The following SASH1 variants were observed in gnomAD, a reference collection of about 807,000 sequenced individuals.
SASH1 encodes the protein SAM and SH3 domain containing 1, also known as SAM and SH3 domain-containing protein 1.
SASH1 carries 44 observed loss-of-function variants against 125.2 expected under a neutral mutation model. That is an observed-to-expected ratio of 0.35 (90% confidence interval 0.28 to 0.45). The LOEUF is 0.45. SASH1 is among the 20% of genes least tolerant of loss of function. SASH1 has a pLI of 1.00. For missense variants in SASH1, 1,426 were observed against 1,614.5 expected, an observed-to-expected ratio of 0.88 and a Z score of 2.00; for synonymous variants, 639 against 649.1, an observed-to-expected ratio of 0.98 and a Z score of 0.24.
chr6:148,540,216 C>T (rs183394646), intron 16 of SASH1, among the ~76,000 whole-genome samples: 1 of 152,302 alleles, frequency 6.6e-6, no homozygotes, highest in East Asian at 1.9e-4. Flanking sequence ...AAGGTGTCAA[C>T]ATATTCCAAC....
chr6:148,334,300 C>A (rs992051033), intron 1 of SASH1, among the ~76,000 whole-genome samples: 1 of 147,456 alleles, frequency 6.8e-6, no homozygotes, highest in African/African-American at 2.5e-5. Context: ...TGATGGCGGG[C>A]GCCTGTAGTC....
intron 8 of SASH1, among the ~76,000 whole-genome samples, chr6:148,489,432 G>T (rs1202981161): frequency 6.6e-6 from 1 of 152,034 alleles, no homozygotes; most frequent in Non-Finnish European, 1.5e-5. Context: ...GTTTTTTAAG[G>T]TTGTTTTGGC....
chr6:148,448,947 C>T (rs1340662702), intron 4 of SASH1, among the ~76,000 whole-genome samples: 2 of 152,104 alleles, frequency 1.3e-5, no homozygotes, highest in African/African-American at 2.4e-5. Context: ...GCTTTTTTTC[C>T]TTGACCCTTG....
chr6:148,322,676 G>T (rs1380582139), intron 1 of SASH1, among the ~76,000 whole-genome samples: 1 of 152,090 alleles, frequency 6.6e-6, no homozygotes, highest in East Asian at 1.9e-4. Flanking sequence ...ACTCCTTGCT[G>T]TCATTCTCAC....
chr6:148,458,678 A>G (rs1562428426), intron 4 of SASH1, among the ~76,000 whole-genome samples: 1 of 152,114 alleles, frequency 6.6e-6, no homozygotes, highest in African/African-American at 2.4e-5. Flanking sequence ...AAAAAATACT[A>G]TGTGGGCTGA....
At chr6:148,398,054 G>A (rs1784028235) in intron 2 of SASH1, among the ~76,000 whole-genome samples, 1 of 152,098 alleles carries the variant, frequency 6.6e-6, no homozygotes, top group African/African-American at 2.4e-5. Flanking sequence ...GTGGACCGTG[G>A]GGAGTAACTT....
At chr6:148,379,899 G>T in intron 1 of SASH1, 1 of 456,412 alleles carries the variant, frequency 2.2e-6, no homozygotes, top group Non-Finnish European at 4.4e-6. Context: ...ATCTATATCT[G>T]CACTCACCAC....
intron 1 of SASH1, among the ~76,000 whole-genome samples, chr6:148,286,224 A>T (rs903865377): frequency 1.3e-5 from 2 of 152,044 alleles, no homozygotes; most frequent in African/African-American, 2.4e-5. Context: ...CTAAAAAAAA[A>T]AATAAAATAA....
At chr6:148,455,376 G>A (rs1011823853) in intron 4 of SASH1, among the ~76,000 whole-genome samples, 2 of 152,200 alleles carry the variant, frequency 1.3e-5, no homozygotes, top group African/African-American at 4.8e-5. Context: ...CGAGTTGGGG[G>A]CTGTTCAGCT....
chr6:148,220,869 G>A, the SASH1 span, among the ~76,000 whole-genome samples: 6 of 152,196 alleles, frequency 3.9e-5, no homozygotes, highest in Admixed American at 1.3e-4. Context: ...AGCCGAGGTC[G>A]TGCCACTGCA....
At chr6:148,314,622 G>A (rs1300514234) in intron 1 of SASH1, among the ~76,000 whole-genome samples, 4 of 152,068 alleles carry the variant, frequency 2.6e-5, no homozygotes, top group African/African-American at 7.2e-5. Context: ...TTGGAAATAG[G>A]CATTCTTTGT....
At position 148,319,343 on chromosome 6, in the gene SASH1, C is replaced by CT. The variant is rs1035770115; in HGVS notation, n.74+46973dup. On this transcript the variant is annotated intron_variant and non_coding_transcript_variant, in intron 1 of 3. Transcript: ENST00000367469. ...AGCCACCGCGCCCAGCCCCATTTATCTTTTTTTACCCCCTTCAATTTGGAG... is the reference window on the plus strand; with the variant it reads ...AGCCACCGCGCCCAGCCCCATTTATCTTTTTTTTACCCCCTTCAATTTGGAG... Among the ~76,000 whole-genome samples the CT allele has an allele frequency of 2.7e-3, 414 of 151,292 alleles. 1 individual carries two copies. Among genetic ancestry groups the CT allele is most frequent in the African/African-American group, 9.4e-3 (390 of 41,276 alleles).
At chr6:148,425,716 C>T (rs1190269303) in intron 2 of SASH1, among the ~76,000 whole-genome samples, 1 of 114,526 alleles carries the variant, frequency 8.7e-6, no homozygotes, top group African/African-American at 3.0e-5. Flanking sequence ...CCTCCCATCC[C>T]CCTCTCCCTT....
intron 1 of SASH1, among the ~76,000 whole-genome samples, chr6:148,321,065 G>T (rs1304109303): frequency 6.6e-6 from 1 of 152,194 alleles, no homozygotes; most frequent in Admixed American, 6.5e-5. Flanking sequence ...ATAGTATTAG[G>T]TTGGTGCAAA....
chr6:148,480,784 T>C (rs778422505), intron 7 of SASH1: 2 of 152,710 alleles, frequency 1.3e-5, no homozygotes, highest in Non-Finnish European at 2.9e-5. Context: ...AAAGAACTAA[T>C]ATGTGAAACA....
At chr6:148,477,720 T>TG (rs1174307580) in intron 7 of SASH1, among the ~76,000 whole-genome samples, 2 of 132,292 alleles carry the variant, frequency 1.5e-5, no homozygotes, top group African/African-American at 5.8e-5. Flanking sequence ...TTTTTTGAGA[T>TG]GGAGTCTTGC....
intron 2 of SASH1, among the ~76,000 whole-genome samples, chr6:148,408,486 G>A (rs1490916208): frequency 1.3e-5 from 2 of 151,866 alleles, no homozygotes; most frequent in Non-Finnish European, 2.9e-5. Flanking sequence ...TTTATGAGTT[G>A]GATTGTTTAT....
At chr6:148,370,039 CA>C (rs577908440) in intron 1 of SASH1, among the ~76,000 whole-genome samples, 1 of 140,568 alleles carries the variant, frequency 7.1e-6, no homozygotes, top group Non-Finnish European at 1.6e-5. Flanking sequence ...ACCACCTCCT[CA>C]AAAAAAATTC....
chr6:148,490,815 T>G (rs1301001467), intron 8 of SASH1, among the ~76,000 whole-genome samples: 3 of 152,214 alleles, frequency 2.0e-5, no homozygotes, highest in Admixed American at 2.0e-4. Context: ...TGATCTGGCT[T>G]TAATCAATTT....
Sources: allele counts gnomAD v4.1 joint callset (sites outside exome capture counted in the v4.1 genomes callset), GRCh38; gene constraint gnomAD v4.1.1; transcripts MANE v1.5; gene names NCBI Gene and HGNC (gene_info 2026-07-23, HGNC 2026-07-21).